NEGR1: variants seen among roughly 807,000 people sequenced by gnomAD.
NEGR1 encodes the protein neuronal growth regulator 1, also known as IgLON family member 4.
NEGR1 carries 10 observed loss-of-function variants against 40.9 expected under a neutral mutation model. The ratio of observed to expected loss-of-function variants is 0.24; its 90% confidence interval spans 0.15 to 0.42. NEGR1 has a LOEUF of 0.42. Ranked by LOEUF, NEGR1 falls within the 10% of genes least tolerant of loss-of-function variation. NEGR1 has a pLI of 1.00. For missense variants in NEGR1, 352 were observed against 438.9 expected (o/e 0.80, Z 1.77); for synonymous variants, 185 against 166.8 (o/e 1.11, Z -0.84).
intron 4 of NEGR1, among the ~76,000 whole-genome samples, chr1:71,653,206 G>C (rs1209959815): frequency 6.6e-6 from 1 of 152,190 alleles, no homozygotes. Context: ...ACTGTAAACA[G>C]TCTATGAATC....
chr1:71,809,801 AAGTGACTCC>A (rs1350791662), intron 2 of NEGR1, among the ~76,000 whole-genome samples: 1 of 152,046 alleles, frequency 6.6e-6, no homozygotes, highest in African/African-American at 2.4e-5. Flanking sequence ...CAACATTCTA[AAGTGACTCC>A]AGTGTCACTT....
At chr1:72,229,247 T>A (rs1256592218) in intron 1 of NEGR1, among the ~76,000 whole-genome samples, 3 of 151,532 alleles carry the variant, frequency 2.0e-5, no homozygotes, top group Non-Finnish European at 4.4e-5. Context: ...ATTAGGTTGA[T>A]CCTGGAATCC....
At chr1:71,932,986 A>G (rs1017487930) in intron 2 of NEGR1, among the ~76,000 whole-genome samples, 1 of 152,154 alleles carries the variant, frequency 6.6e-6, no homozygotes, top group East Asian at 1.9e-4. Context: ...CTACATGTCA[A>G]TCAACTTCTA....
At chr1:72,124,769 C>T (rs1054738523) in intron 1 of NEGR1, among the ~76,000 whole-genome samples, 28 of 151,992 alleles carry the variant, frequency 1.8e-4, no homozygotes, top group African/African-American at 6.5e-4. Flanking sequence ...AGAAGAATTG[C>T]TAATAAAAAA....
chr1:71,837,809 C>T (rs567082533), intron 2 of NEGR1, among the ~76,000 whole-genome samples: 3 of 152,176 alleles, frequency 2.0e-5, no homozygotes, highest in African/African-American at 7.2e-5. Flanking sequence ...TTGTTAATCA[C>T]TCACAATTGG....
intron 2 of NEGR1, among the ~76,000 whole-genome samples, chr1:71,864,748 TA>T: frequency 6.6e-6 from 1 of 151,886 alleles, no homozygotes; most frequent in Non-Finnish European, 1.5e-5. Context: ...ACACGGTAAA[TA>T]AAACATCAAA....
chr1:72,120,254 T>C (rs1249680104), intron 1 of NEGR1, among the ~76,000 whole-genome samples: 4 of 151,972 alleles, frequency 2.6e-5, no homozygotes, highest in Admixed American at 2.6e-4. Flanking sequence ...ATCCAAAAAT[T>C]ATTTGACTGC....
chr1:72,017,117 T>C (rs1165376714), intron 1 of NEGR1, among the ~76,000 whole-genome samples: 6 of 139,076 alleles, frequency 4.3e-5, no homozygotes. Context: ...CACATATATA[T>C]ACACATATAT....
chr1:71,744,191 G>A (rs1655306555), intron 3 of NEGR1, among the ~76,000 whole-genome samples: 2 of 151,422 alleles, frequency 1.3e-5, no homozygotes, highest in Non-Finnish European at 2.9e-5. Context: ...CTTGATAGCT[G>A]TAAAGCTCAG....
intron 1 of NEGR1, among the ~76,000 whole-genome samples, chr1:72,231,287 CT>C (rs1036275039): frequency 4.6e-5 from 7 of 152,262 alleles, no homozygotes; most frequent in East Asian, 1.9e-4. Flanking sequence ...TTTTCCTCCT[CT>C]TTACAACCTT....
intron 1 of NEGR1, among the ~76,000 whole-genome samples, chr1:72,198,888 T>G (rs1440101127): frequency 1.3e-5 from 2 of 152,034 alleles, no homozygotes; most frequent in African/African-American, 4.8e-5. Context: ...TGAATATATT[T>G]AAAAATTGAT....
At chr1:72,076,747 C>T (rs1056830694) in intron 1 of NEGR1, among the ~76,000 whole-genome samples, 5 of 152,184 alleles carry the variant, frequency 3.3e-5, no homozygotes, top group Non-Finnish European at 7.4e-5. Flanking sequence ...CATACTGTAT[C>T]CATATGCTAT....
At chr1:72,123,322 A>G (rs943450445) in intron 1 of NEGR1, among the ~76,000 whole-genome samples, 3 of 151,886 alleles carry the variant, frequency 2.0e-5, no homozygotes, top group Admixed American at 6.6e-5. Context: ...AGTATAATTC[A>G]TGCAACTGTA....
chr1:72,158,209 T>C (rs1340689553), intron 1 of NEGR1, among the ~76,000 whole-genome samples: 1 of 152,162 alleles, frequency 6.6e-6, no homozygotes, highest in Non-Finnish European at 1.5e-5. Flanking sequence ...GCAGGTAACT[T>C]GTCTGAAATG....
chr1:72,263,822 A>T (rs774513237), intron 1 of NEGR1, among the ~76,000 whole-genome samples: 2 of 151,580 alleles, frequency 1.3e-5, no homozygotes, highest in Non-Finnish European at 3.0e-5. Context: ...TAAAAATGAC[A>T]ATGAAAAAAG....
chr1:71,624,162 T>C (rs772280430), intron 4 of NEGR1, among the ~76,000 whole-genome samples: 2 of 151,982 alleles, frequency 1.3e-5, no homozygotes, highest in Admixed American at 6.6e-5. Context: ...ACAGTTACTA[T>C]TACCAGTTCA....
At chr1:72,210,815 C>T (rs968135460) in intron 1 of NEGR1, among the ~76,000 whole-genome samples, 11 of 151,894 alleles carry the variant, frequency 7.2e-5, no homozygotes, top group South Asian at 2.1e-4. Context: ...TATAAACCAA[C>T]GTATTTTAAT....
chr1:72,115,556 G>A (rs1299382993), intron 1 of NEGR1, among the ~76,000 whole-genome samples: 3 of 151,736 alleles, frequency 2.0e-5, no homozygotes, highest in Non-Finnish European at 4.4e-5. Context: ...AGCATTAGCT[G>A]CTGGACAGAA....
intron 1 of NEGR1, among the ~76,000 whole-genome samples, chr1:72,046,295 T>C (rs1443510634): frequency 6.6e-6 from 1 of 151,662 alleles, no homozygotes; most frequent in Admixed American, 6.6e-5. Flanking sequence ...TAAATATTTT[T>C]GAAGGAGCAT....
Sources: gnomAD v4.1 joint callset for allele counts (sites outside exome capture counted in the v4.1 genomes callset) on GRCh38, gnomAD v4.1.1 for gene constraint, MANE v1.5 for transcripts, NCBI Gene and HGNC (gene_info 2026-07-23, HGNC 2026-07-21) for gene names.